The following TULP3 variants were observed in gnomAD, a reference collection of about 807,000 sequenced individuals.
The protein encoded by TULP3 is TUB like protein 3, also known as tubby-related protein 3.
Under a neutral mutation model 50.7 loss-of-function variants are expected in TULP3, and 38 were observed. That is an observed-to-expected ratio of 0.75 (90% CI 0.58 to 0.98). TULP3 has a LOEUF of 0.98. TULP3 is among the 50% of genes least tolerant of loss of function. The pLI is 0.00. For missense variants in TULP3, 550 were observed against 568.0 expected (o/e 0.97, Z 0.32); for synonymous variants, 183 against 196.6 (o/e 0.93, Z 0.58).
In TULP3 at chr12:2,939,087, G is replaced by A. The variant is rs1268588119; in HGVS notation, c.1196-224G>A. ...ACAAAAAGTAAAATATTAGCCAGGC[G>A]TGGTGGCGCTTGCCTGTAGTCCCAG... On this transcript the variant is annotated intron_variant, in intron 10 of 10. Coordinates refer to ENST00000448120, the MANE Select transcript of TULP3 (RefSeq NM_003324.5). This position sits in a 1 kb window ranked among gnomAD's most constrained non-coding sequence, Gnocchi z 4.0. Among the ~76,000 whole-genome samples, 2 of 152,022 alleles carry A rather than the reference G, an allele frequency of 1.3e-5. No homozygotes were observed. Among genetic ancestry groups the A allele is most frequent in the East Asian group, 1.9e-4 (1 of 5,158 alleles).
At chr12:2,931,462 G>A (rs1340995836) in intron 6 of TULP3, among the ~76,000 whole-genome samples, 6 of 152,230 alleles carry the variant, frequency 3.9e-5, no homozygotes, top group Admixed American at 3.3e-4. Flanking sequence ...CTTTATCCAC[G>A]AAGTGGGAAA....
At chr12:2,913,238 G>GT (rs2098186700) in intron 2 of TULP3, among the ~76,000 whole-genome samples, 1 of 99,106 alleles carries the variant, frequency 1.0e-5, no homozygotes, top group East Asian at 3.0e-4. Flanking sequence ...TGTGTGTGTG[G>GT]TGGCCTTTTA....
At chr12:2,915,224 A>G (rs2098187938) in intron 2 of TULP3, among the ~76,000 whole-genome samples, 1 of 152,154 alleles carries the variant, frequency 6.6e-6, no homozygotes, top group African/African-American at 2.4e-5. Flanking sequence ...TCCTGGCCTC[A>G]AGTGATCCAC....
At chr12:2,930,219 A>C (rs761171381) in intron 4 of TULP3, 29 bp from the exon 5 acceptor site, 18 of 1,476,494 alleles carry the variant, frequency 1.2e-5, no homozygotes, top group Non-Finnish European at 1.5e-5. Context: ...CAGTGTTGGC[A>C]GTGCTAACAG....
At chr12:2,922,445 C>G (rs1313317686) in intron 4 of TULP3, 43 bp downstream of exon 4, 2 of 1,585,168 alleles carry the variant, frequency 1.3e-6, no homozygotes, top group Non-Finnish European at 1.7e-6. Flanking sequence ...TCTCCTTACT[C>G]AATTGTAATC....
chr12:2,913,034 C>T (rs1025330769), intron 2 of TULP3, among the ~76,000 whole-genome samples: 2 of 151,290 alleles, frequency 1.3e-5, no homozygotes, highest in Non-Finnish European at 2.9e-5. Context: ...TGCAGTGGCA[C>T]GATCTCGGCT....
chr12:2,896,633 T>G (rs2098175719), intron 1 of TULP3, among the ~76,000 whole-genome samples: 1 of 152,194 alleles, frequency 6.6e-6, no homozygotes, highest in Non-Finnish European at 1.5e-5. Flanking sequence ...CAAGAAATAT[T>G]TTTCAAATAT....
At position 2,909,586 on chromosome 12, in the gene TULP3, C is replaced by T. The variant is rs758298497; in HGVS notation, c.93+6C>T. 1 of 1,581,904 alleles carries T rather than the reference C, an allele frequency of 6.3e-7. No homozygotes were observed. Among genetic ancestry groups the T allele is most frequent in the South Asian group, 1.2e-5 (1 of 84,966 alleles). Reference sequence around the variant, plus strand: ...AGGCTAAGCTGGATTATCAGGTGAGCAGAGTCTCCTCTTTTGAAATAGGTG... The same window carrying T: ...AGGCTAAGCTGGATTATCAGGTGAGTAGAGTCTCCTCTTTTGAAATAGGTG... On this transcript the variant is annotated splice_donor_region_variant and intron_variant, in intron 2 of 10. Coordinates refer to ENST00000448120, the MANE Select transcript of TULP3 (RefSeq NM_003324.5).
intron 2 of TULP3, among the ~76,000 whole-genome samples, chr12:2,919,402 CTCTATATG>C (rs2098190474): frequency 1.3e-5 from 2 of 152,134 alleles, no homozygotes; most frequent in South Asian, 4.1e-4. Context: ...AATCTTTTCC[CTCTATATG>C]CAAGCTATTG....
chr12:2,917,462 ACT>A (rs1470497979), intron 2 of TULP3, among the ~76,000 whole-genome samples: 2 of 149,718 alleles, frequency 1.3e-5, no homozygotes, highest in Non-Finnish European at 3.0e-5. Context: ...ACACAGCGAG[ACT>A]CTGTCTCAAA....
At chr12:2,929,264 T>C (rs1297599398) in intron 4 of TULP3, among the ~76,000 whole-genome samples, 17 of 148,982 alleles carry the variant, frequency 1.1e-4, no homozygotes, top group African/African-American at 2.0e-4. Flanking sequence ...TTGCAGTGAG[T>C]CGAGATCGCG....
chr12:2,928,543 T>C (rs1185424816), intron 4 of TULP3, among the ~76,000 whole-genome samples: 2 of 150,936 alleles, frequency 1.3e-5, no homozygotes, highest in Non-Finnish European at 1.5e-5. Flanking sequence ...AAAAAATAAA[T>C]AAATAAAATA....
rs1385769952 is a variant in TULP3, at chr12:2,940,014, C to T, written c.*570C>T. 7.8e-7 allele frequency: 1 copy of T among 1,288,014 alleles called. No individual in the cohort carries two copies. The highest frequency in any genetic ancestry group is 5.6e-5 in the East Asian group (1 of 17,968). The allele number at this position is 1,288,014 out of a possible 1,614,324, so 79.8% of individuals were successfully genotyped here. ...CGCAGTTCCTCTCCTCTCTTCATTCCCTCACAGCAGATTGGCCGGCACCAA... is the reference window on the plus strand; with the variant it reads ...CGCAGTTCCTCTCCTCTCTTCATTCTCTCACAGCAGATTGGCCGGCACCAA... On this transcript the variant is annotated 3_prime_UTR_variant, in exon 11 of 11. Coordinates refer to ENST00000448120, the MANE Select transcript of TULP3 (RefSeq NM_003324.5).
In TULP3 at chr12:2,939,406, G is replaced by A. The variant is rs758930432; in HGVS notation, c.1291G>A (p.Gly431Ser). 31 of 1,613,996 alleles carry A rather than the reference G, an allele frequency of 1.9e-5. No individual in the cohort carries two copies. Among genetic ancestry groups the A allele is most frequent in the East Asian group, 1.8e-4 (8 of 44,886 alleles). Residue 431 changes from glycine (G) to serine (S), a missense_variant, in exon 11 of 11, where the codon GGT becomes AGT. Gly to Ser is a moderately conservative substitution (Grantham distance 56). Coordinates refer to ENST00000448120, the MANE Select transcript of TULP3 (RefSeq NM_003324.5). This position sits in a 1 kb window ranked among gnomAD's most constrained non-coding sequence, Gnocchi z 4.0. ...PLCAVQAFGI[G>S]LSSFDSKLAC... ...TTGTGCAGTACAGGCCTTTGGCATC[G>A]GTCTTTCTAGCTTTGACAGTAAGCT...
Position 2,940,119 on chromosome 12 carries a change from G to T in TULP3, c.*675G>T. On this transcript the variant is annotated 3_prime_UTR_variant, in exon 11 of 11. Transcript: ENST00000448120. ...TATAATTGTCTTCATTTCAATTAAGGCTGAAAGCATAAACTCTAGAGGTGA... is the reference window on the plus strand; with the variant it reads ...TATAATTGTCTTCATTTCAATTAAGTCTGAAAGCATAAACTCTAGAGGTGA... 1 of 1,292,286 alleles carries T rather than the reference G, an allele frequency of 7.7e-7. No individual in the cohort carries two copies. The highest frequency in any genetic ancestry group is 1.2e-5 in the South Asian group (1 of 81,030). The allele number at this position is 1,292,286 out of a possible 1,614,324, so 80.1% of individuals were successfully genotyped here. A position where few individuals can be genotyped will look rare whatever the true frequency, so the allele number is the denominator to read the frequency against.
In TULP3 at chr12:2,940,466, GT is replaced by G. The variant is rs1591541094; in HGVS notation, c.*1029del. ...TCAGGCACAGAAGGTGTTTTGCTAC[GT>G]TTTTTTGATTATTACACCCCTCCAC... On this transcript the variant is annotated 3_prime_UTR_variant, in exon 11 of 11. Transcript: ENST00000448120. 2 of 1,485,640 alleles carry G rather than the reference GT, an allele frequency of 1.3e-6. No individual in the cohort carries two copies. The highest frequency in any genetic ancestry group is 1.8e-6 in the Non-Finnish European group (2 of 1,115,800). 92.0% of individuals were successfully genotyped at this position (1,485,640 alleles called of 1,614,324 possible).
chr12:2,900,967 A>C (rs2098178853), intron 1 of TULP3, among the ~76,000 whole-genome samples: 1 of 146,868 alleles, frequency 6.8e-6, no homozygotes, highest in African/African-American at 2.5e-5. Flanking sequence ...CTTGCCTCTT[A>C]AAGTGCTGGG....
At chr12:2,920,615 G>A (rs759850323) in intron 2 of TULP3, 148 bp from the exon 3 acceptor site, 1 of 872,116 alleles carries the variant, frequency 1.1e-6, no homozygotes, top group Non-Finnish European at 1.7e-6. Flanking sequence ...ACTCCTCTCT[G>A]TGCCTCAGTT....
At position 2,933,501 on chromosome 12, in the gene TULP3, T is replaced by C; in HGVS notation, c.780T>C (p.Arg260=). Residue 260 remains arginine, a synonymous_variant, in exon 7 of 11, where the codon CGT becomes CGC. Coordinates refer to ENST00000448120, the MANE Select transcript of TULP3 (RefSeq NM_003324.5). ...LISIDPVDLS[R]EGESYVGKLR... is the part of the protein sequence containing the mutation. ...CCATTGATCCAGTTGATTTATCTCG[T>C]GAAGGAGAAAGTTATGTCGGCAAGC... 6.2e-7 allele frequency: 1 copy of C among 1,613,964 alleles called. No individual in the cohort carries two copies. Among genetic ancestry groups the C allele is most frequent in the Non-Finnish European group, 8.5e-7 (1 of 1,179,914 alleles).
Sources: gnomAD v4.1 joint callset for allele counts (sites outside exome capture counted in the v4.1 genomes callset) on GRCh38, gnomAD v4.1.1 for gene constraint, Gnocchi (gnomAD v3.1) non-coding constraint, MANE v1.5 for transcripts, NCBI Gene and HGNC (gene_info 2026-07-23, HGNC 2026-07-21) for gene names.